Variants in PGM5 observed in about 807,000 individuals in gnomAD.
PGM5 encodes the protein phosphoglucomutase 5.
PGM5 carries 23 observed loss-of-function variants against 59.2 expected under a neutral mutation model. The observed-to-expected ratio is 0.39, with a 90% CI of 0.28 to 0.55. The LOEUF is 0.55. Among genes scored for constraint, PGM5 ranks in the 20% least tolerant of loss-of-function variants. PGM5 has a pLI of 0.66. For synonymous variants in PGM5, 214 were observed against 286.0 expected, an observed-to-expected ratio of 0.75 and a Z score of 2.54; for missense variants, 574 against 748.3, an observed-to-expected ratio of 0.77 and a Z score of 2.72.
At chr9:68,368,628 T>C (rs1554676908) in intron 1 of PGM5, among the ~76,000 whole-genome samples, 1 of 152,188 alleles carries the variant, frequency 6.6e-6, no homozygotes, top group African/African-American at 2.4e-5. Context: ...ATCCAGTTTT[T>C]AGTTTTTAGG....
At chr9:68,384,273 A>C in intron 2 of PGM5, 125 bp from the exon 3 acceptor site, 1 of 674,790 alleles carries the variant, frequency 1.5e-6, no homozygotes, top group Non-Finnish European at 2.7e-6. Context: ...TGAACTGTGA[A>C]CCATTGATCA....
chr9:68,471,796 G>C (rs1270622865), intron 7 of PGM5, among the ~76,000 whole-genome samples: 1 of 151,968 alleles, frequency 6.6e-6, no homozygotes, highest in Non-Finnish European at 1.5e-5. Flanking sequence ...GCGGGTGCCT[G>C]TAATCCCAGC....
In PGM5 at chr9:68,497,969, G is replaced by A. The variant is rs898828833; in HGVS notation, c.1480-1258G>A. The A allele has an allele frequency of 9.8e-5, 15 of 152,362 alleles. 1 individual carries two copies. The East Asian group carries it at 2.9e-3, about 29-fold the overall frequency. The allele number at this position is 152,362 out of a possible 1,614,324, so 9.4% of individuals were successfully genotyped here. On this transcript the variant is annotated intron_variant, in intron 9 of 10. Transcript: ENST00000396396. Reference sequence around the variant, plus strand: ...GCCAATGAGGAATTAATCCTAGGCAGCACTAGTAGATGTGGCCACAGCTCT... The same window carrying A: ...GCCAATGAGGAATTAATCCTAGGCAACACTAGTAGATGTGGCCACAGCTCT...
intron 1 of PGM5, among the ~76,000 whole-genome samples, chr9:68,375,772 G>C (rs1324674212): frequency 6.6e-6 from 1 of 152,238 alleles, no homozygotes; most frequent in Non-Finnish European, 1.5e-5. Context: ...CAATAGAAAA[G>C]TTAGGGACTT....
chr9:68,506,067 A>G (rs2132109810), intron 10 of PGM5, among the ~76,000 whole-genome samples: 1 of 152,310 alleles, frequency 6.6e-6, no homozygotes, highest in South Asian at 2.1e-4. Flanking sequence ...CACCACATGT[A>G]TTTGTTATTC....
At chr9:68,468,604 A>C (rs1823973341) in intron 7 of PGM5, among the ~76,000 whole-genome samples, 1 of 152,176 alleles carries the variant, frequency 6.6e-6, no homozygotes, top group Admixed American at 6.5e-5. Flanking sequence ...GTAGAATACA[A>C]AATGCTCAAC....
chr9:68,366,899 A>AG (rs1487681564), intron 1 of PGM5, among the ~76,000 whole-genome samples: 62 of 152,348 alleles, frequency 4.1e-4, no homozygotes, highest in African/African-American at 1.1e-3. Flanking sequence ...AAATAAAAGA[A>AG]GGACGAGATC....
At chr9:68,496,616 G>T (rs1215115034) in intron 9 of PGM5, among the ~76,000 whole-genome samples, 2 of 152,164 alleles carry the variant, frequency 1.3e-5, no homozygotes, top group Admixed American at 6.5e-5. Context: ...CCAGACATAG[G>T]TTCTAACAAT....
chr9:68,494,114 G>A (rs1824443683), intron 9 of PGM5, among the ~76,000 whole-genome samples: 1 of 152,078 alleles, frequency 6.6e-6, no homozygotes, highest in African/African-American at 2.4e-5. Flanking sequence ...TTTTTTGAGT[G>A]TGTGGCTATG....
intron 1 of PGM5, among the ~76,000 whole-genome samples, chr9:68,372,514 G>A (rs1479311214): frequency 2.0e-5 from 3 of 152,200 alleles, no homozygotes; most frequent in Middle Eastern, 3.4e-3. Context: ...GGCCCCTGCT[G>A]CTGGTAGAGT....
intron 3 of PGM5, among the ~76,000 whole-genome samples, chr9:68,385,096 A>T (rs1554678737): frequency 6.6e-6 from 1 of 151,992 alleles, no homozygotes; most frequent in African/African-American, 2.4e-5. Flanking sequence ...AAATTAAAGA[A>T]CCAAAATGAG....
At chr9:68,508,161 G>A (rs879964543) in intron 10 of PGM5, among the ~76,000 whole-genome samples, 1 of 152,028 alleles carries the variant, frequency 6.6e-6, no homozygotes, top group African/African-American at 2.4e-5. Flanking sequence ...CACAGACAGA[G>A]CCCATCTCAA....
At chr9:68,422,719 T>TAA (rs1369129110) in intron 6 of PGM5, among the ~76,000 whole-genome samples, 16 of 152,172 alleles carry the variant, frequency 1.1e-4, no homozygotes, top group Non-Finnish European at 8.8e-5. Context: ...TGCAAAGGCA[T>TAA]AATTAAAAAA....
chr9:68,387,917 A>G (rs1214336955), intron 4 of PGM5, among the ~76,000 whole-genome samples: 7 of 152,018 alleles, frequency 4.6e-5, no homozygotes, highest in Non-Finnish European at 8.8e-5. Flanking sequence ...ATCTGTACCC[A>G]ACTCCTATCT....
intron 1 of PGM5, among the ~76,000 whole-genome samples, chr9:68,377,478 A>G (rs1821951379): frequency 6.6e-6 from 1 of 152,198 alleles, no homozygotes; most frequent in Non-Finnish European, 1.5e-5. Flanking sequence ...AGATTGGATG[A>G]TATTGAATCC....
At position 68,357,393 on chromosome 9, in the gene PGM5, G is replaced by A. The variant is rs1554675835; in HGVS notation, c.261+5G>A. On this transcript the variant is annotated splice_donor_5th_base_variant and intron_variant, in intron 1 of 10. Transcript: ENST00000396396. ...CAGATGGCCGCGGCCAACGGGGTGA[G>A]TGTCCGGATGCCCCTCGCTTCCCGC... is the stretch of plus-strand genomic sequence containing the variant. 3 of 1,556,426 alleles carry A rather than the reference G, an allele frequency of 1.9e-6. No individual in the cohort carries two copies. Among genetic ancestry groups the A allele is most frequent in the Non-Finnish European group, 2.6e-6 (3 of 1,153,784 alleles).
intron 6 of PGM5, among the ~76,000 whole-genome samples, chr9:68,417,254 A>G (rs782502130): frequency 1.3e-5 from 2 of 152,218 alleles, no homozygotes; most frequent in African/African-American, 2.4e-5. Flanking sequence ...ACAGTGAGAC[A>G]TAATAACAGA....
intron 6 of PGM5, among the ~76,000 whole-genome samples, chr9:68,424,613 C>T (rs1823203358): frequency 1.3e-5 from 2 of 152,128 alleles, no homozygotes; most frequent in South Asian, 4.1e-4. Context: ...AATGGGTGTT[C>T]TTAAACAAGG....
intron 8 of PGM5, among the ~76,000 whole-genome samples, chr9:68,483,397 A>G (rs1459967603): frequency 1.3e-5 from 2 of 152,224 alleles, no homozygotes; most frequent in East Asian, 1.9e-4. Flanking sequence ...GTATTTGAAG[A>G]GCTGGCAGAA....
Sources: gnomAD v4.1 joint callset for allele counts (sites outside exome capture counted in the v4.1 genomes callset) on GRCh38, gnomAD v4.1.1 for gene constraint, MANE v1.5 for transcripts, NCBI Gene and HGNC (gene_info 2026-07-23, HGNC 2026-07-21) for gene names.